Variants in TPCN1 observed in about 807,000 individuals in gnomAD.
TPCN1 encodes two pore segment channel 1, also known as two pore channel protein 1.
In TPCN1, 52 loss-of-function variants were observed where a neutral mutation model predicts 108.8. The observed-to-expected ratio is 0.48, with a 90% CI of 0.38 to 0.60. TPCN1 has a LOEUF of 0.60. TPCN1 is among the 20% of genes least tolerant of loss of function. The pLI is 0.00. For missense variants in TPCN1, 806 were observed against 1,072.8 expected, an observed-to-expected ratio of 0.75 and a Z score of 3.47; for synonymous variants, 446 against 433.7, an observed-to-expected ratio of 1.03 and a Z score of -0.35.
At chr12:113,240,499 CAGTATA>C (rs1334876231) in intron 2 of TPCN1, among the ~76,000 whole-genome samples, 1 of 152,164 alleles carries the variant, frequency 6.6e-6, no homozygotes, top group Non-Finnish European at 1.5e-5. Context: ...ATTGTAAAAT[CAGTATA>C]TGATTGTCTA....
rs1441180846 is a variant in TPCN1 at position 113,232,041 on chromosome 12, C to T, written c.112+5077C>T. Among the ~76,000 whole-genome samples, 1 of 152,202 alleles carries T rather than the reference C, an allele frequency of 6.6e-6. No homozygotes were observed. The highest frequency in any genetic ancestry group is 1.9e-4 in the East Asian group (1 of 5,190). ...TTCTCCCTGCCTTTAAAGCCAGCTG[C>T]TGCCTAAGATGGGCTGGACCATGTG... On this transcript the variant is annotated intron_variant, in intron 2 of 27. Coordinates refer to ENST00000335509, the MANE Select transcript of TPCN1 (RefSeq NM_017901.6). The surrounding 1 kb of genome is among the most constrained non-coding windows in gnomAD (Gnocchi z 5.6).
At chr12:113,228,450 CA>C (rs1392059709) in intron 2 of TPCN1, among the ~76,000 whole-genome samples, 2 of 151,970 alleles carry the variant, frequency 1.3e-5, no homozygotes, top group East Asian at 1.9e-4. Context: ...CTCGGCTGTA[CA>C]AAAAAATTAA....
At chr12:113,222,707 C>T (rs1953295680) in intron 1 of TPCN1, among the ~76,000 whole-genome samples, 1 of 152,162 alleles carries the variant, frequency 6.6e-6, no homozygotes, top group Non-Finnish European at 1.5e-5. Context: ...GCATGAACAA[C>T]CCCCCTGCCT....
At chr12:113,282,874 T>G (rs1416202399) in intron 15 of TPCN1, among the ~76,000 whole-genome samples, 7 of 151,864 alleles carry the variant, frequency 4.6e-5, no homozygotes, top group African/African-American at 1.5e-4. Context: ...TCACTTGAGG[T>G]CAGGAGTTCG....
rs773645080 is a variant in TPCN1 at position 113,266,367 on chromosome 12, A to G, written c.414+11A>G. On this transcript the variant is annotated intron_variant, in intron 4 of 27. Transcript: ENST00000335509. The surrounding 1 kb of genome is among the most constrained non-coding windows in gnomAD (Gnocchi z 4.2). ...CGGCTTGGCATCTATGTGAGCGCAC[A>G]TGCTCCTCATACGGGGGGCTGGGAG... 5.6e-6 allele frequency: 9 copies of G among 1,603,354 alleles called. No homozygotes were observed. The African/African-American group carries it at 9.3e-5, about 17-fold the overall frequency.
chr12:113,236,621 A>G (rs76103615), intron 2 of TPCN1, among the ~76,000 whole-genome samples: 1 of 143,060 alleles, frequency 7.0e-6, no homozygotes, highest in Non-Finnish European at 1.5e-5. Context: ...TCTCAAAAAG[A>G]AAAAAAAAAA....
intron 13 of TPCN1, 63 bp from the exon 14 acceptor site, chr12:113,278,709 G>T: frequency 7.1e-7 from 1 of 1,406,002 alleles, no homozygotes; most frequent in Admixed American, 1.7e-5. Flanking sequence ...CAGCATCCTG[G>T]CTCCAGGCAG....
chr12:113,227,359 C>G (rs749505480), intron 2 of TPCN1, among the ~76,000 whole-genome samples: 8 of 152,160 alleles, frequency 5.3e-5, no homozygotes, highest in Admixed American at 2.0e-4. Flanking sequence ...CATCTGAAAC[C>G]GTTGGCAGGA....
In TPCN1 at chr12:113,266,031, G is replaced by A. The variant is rs570046378; in HGVS notation, c.238-149G>A. On this transcript the variant is annotated intron_variant, in intron 3 of 27. Transcript: ENST00000335509. The surrounding 1 kb of genome is among the most constrained non-coding windows in gnomAD (Gnocchi z 4.2). ...ACCTGACCACCGTGAGTTTCGCGAAGATCATTTTGATTTTCCAGCATCTTC... is the reference window on the plus strand; with the variant it reads ...ACCTGACCACCGTGAGTTTCGCGAAAATCATTTTGATTTTCCAGCATCTTC... 1.6e-4 allele frequency: 135 copies of A among 859,318 alleles called. No homozygotes were observed. In the East Asian group the frequency reaches 3.3e-3, roughly 21 times the overall value. 53.2% of individuals were successfully genotyped at this position (859,318 alleles called of 1,614,324 possible). A position where few individuals can be genotyped will look rare whatever the true frequency, so the allele number is the denominator to read the frequency against.
chr12:113,284,748 G>A lies in TPCN1; in HGVS notation c.1430G>A (p.Trp477Ter). ...GGNFFSKHVP[W>*]SYLVFLTIYG... is the part of the protein sequence containing the mutation. ...AACTTCTTCTCCAAGCACGTGCCCT[G>A]GAGTTACCTCGTCTTTCTAACTAGT... The change falls in exon 17 of 28, where the codon TGG becomes TAG. Residue 477 changes from tryptophan to a stop codon, truncating the protein, a stop_gained. Transcript: ENST00000335509. LOFTEE classifies it high-confidence loss of function. This position sits in a 1 kb window ranked among gnomAD's most constrained non-coding sequence, Gnocchi z 4.1. 1 of 1,614,214 alleles carries A rather than the reference G, an allele frequency of 6.2e-7. No individual in the cohort carries two copies. Among genetic ancestry groups the A allele is most frequent in the South Asian group, 1.1e-5 (1 of 91,090 alleles).
intron 10 of TPCN1, among the ~76,000 whole-genome samples, chr12:113,274,861 T>C (rs1955620170): frequency 1.3e-5 from 2 of 152,236 alleles, no homozygotes; most frequent in African/African-American, 2.4e-5. Context: ...CTCTGTTCAG[T>C]TGCACTCACG....
At chr12:113,254,908 A>G (rs1053493290) in intron 2 of TPCN1, among the ~76,000 whole-genome samples, 1 of 152,234 alleles carries the variant, frequency 6.6e-6, no homozygotes, top group African/African-American at 2.4e-5. Context: ...CAGACTGATA[A>G]AGGATATCTA....
rs200815967 is a variant in TPCN1 at position 113,285,921 on chromosome 12, G to T, written c.1486G>T (p.Gly496Cys). The T allele has an allele frequency of 1.2e-6, 2 of 1,614,182 alleles. No homozygotes were observed. Among genetic ancestry groups the T allele is most frequent in the Non-Finnish European group, 1.7e-6 (2 of 1,180,024 alleles). The change falls in exon 18 of 28, where the codon GGC (glycine) becomes TGC (cysteine). Residue 496 changes from glycine to cysteine, a missense_variant. Transcript: ENST00000335509. Reference protein sequence around the residue: ...YGVELFLKVAGLGPVEYLSSG... With the variant: ...YGVELFLKVACLGPVEYLSSG... ...GGTGGAGCTGTTCCTGAAGGTTGCC[G>T]GCCTGGGCCCTGTGGAGTACTTGTC...
intron 2 of TPCN1, among the ~76,000 whole-genome samples, chr12:113,230,273 A>G (rs1953636670): frequency 6.8e-6 from 1 of 146,466 alleles, no homozygotes; most frequent in Non-Finnish European, 1.5e-5. Flanking sequence ...AGGCCCTGAG[A>G]TCCATTCATC....
At position 113,291,018 on chromosome 12, in the gene TPCN1, TG is replaced by T. The variant is rs764269201; in HGVS notation, c.1959+25del. 19 of 1,612,754 alleles carry T rather than the reference TG, an allele frequency of 1.2e-5. No individual in the cohort carries two copies. Among genetic ancestry groups the T allele is most frequent in the Non-Finnish European group, 8.5e-7 (1 of 1,179,564 alleles). ...ATCATGGTAAGAGCTCGGGCAGCTC[TG>T]GGGGTATCTTCCCGCCAGCCCTGGG... On this transcript the variant is annotated intron_variant, in intron 23 of 27. Transcript: ENST00000335509.
At chr12:113,282,749 C>A (rs186103813) in intron 15 of TPCN1, among the ~76,000 whole-genome samples, 22 of 146,714 alleles carry the variant, frequency 1.5e-4, no homozygotes, top group African/African-American at 5.3e-4. Flanking sequence ...AGAGTGAGAC[C>A]CCCCTATCTC....
At chr12:113,285,773 C>A in intron 17 of TPCN1, 116 bp from the exon 18 acceptor site, 1 of 898,860 alleles carries the variant, frequency 1.1e-6, no homozygotes, top group South Asian at 1.4e-5. Context: ...TGGGCTCAGC[C>A]TGGAGGGCTT....
chr12:113,278,879 A>G, intron 14 of TPCN1, 44 bp downstream of exon 14: 1 of 1,585,016 alleles, frequency 6.3e-7, no homozygotes, highest in East Asian at 2.2e-5. Context: ...CTGGGGGCCG[A>G]TGGAGGTTTT....
intron 2 of TPCN1, among the ~76,000 whole-genome samples, chr12:113,233,607 ACTGT>A (rs1953775038): frequency 6.6e-6 from 1 of 152,150 alleles, no homozygotes; most frequent in Non-Finnish European, 1.5e-5. Flanking sequence ...ACATCCTCTG[ACTGT>A]CACCCTTCTC....
Sources: allele counts gnomAD v4.1 joint callset (sites outside exome capture counted in the v4.1 genomes callset), GRCh38; gene constraint gnomAD v4.1.1; non-coding constraint Gnocchi (gnomAD v3.1); transcripts MANE v1.5; gene names NCBI Gene and HGNC (gene_info 2026-07-23, HGNC 2026-07-21).